Variants in ZKSCAN5 observed in about 807,000 individuals in gnomAD.
The protein encoded by ZKSCAN5 is zinc finger protein with KRAB and SCAN domains 5.
ZKSCAN5 carries 28 observed loss-of-function variants against 60.0 expected under a neutral mutation model. The ratio of observed to expected loss-of-function variants is 0.47; its 90% confidence interval spans 0.35 to 0.64. The LOEUF (loss-of-function observed/expected upper bound fraction) is 0.64. ZKSCAN5 is among the 30% of genes least tolerant of loss of function. The pLI is 0.01. For synonymous variants in ZKSCAN5, 361 were observed against 371.2 expected (o/e 0.97, Z 0.31); for missense variants, 881 against 1,034.6 (o/e 0.85, Z 2.04).
In ZKSCAN5 at chr7:99,524,181, G is replaced by A. The variant is rs573373962; in HGVS notation, c.773-1632G>A. Among the ~76,000 whole-genome samples, 24 of 150,838 alleles carry A rather than the reference G, an allele frequency of 1.6e-4. No individual in the cohort carries two copies. In the East Asian group the frequency reaches 4.3e-3, roughly 27 times the overall value. ...TGCCTCCTGGGTTCAAGCGATTCTCGTGCCTCAGCCTCCTGAGTAGCTGGG... is the reference window on the plus strand; with the variant it reads ...TGCCTCCTGGGTTCAAGCGATTCTCATGCCTCAGCCTCCTGAGTAGCTGGG... On this transcript the variant is annotated intron_variant, in intron 5 of 6. Coordinates refer to ENST00000326775, the MANE Select transcript of ZKSCAN5 (RefSeq NM_145102.4).
rs1276475173 is a variant in ZKSCAN5 at position 99,533,869 on chromosome 7, C to G, written c.*1620C>G. Reference sequence around the variant, plus strand: ...CAGGCTCTGCTTTAGAGAACCTGATCTAAGACATTTGGTGCCACAAGTGGT... The same window carrying G: ...CAGGCTCTGCTTTAGAGAACCTGATGTAAGACATTTGGTGCCACAAGTGGT... On this transcript the variant is annotated 3_prime_UTR_variant, in exon 7 of 7. Transcript: ENST00000326775. 1 of 361,010 alleles carries G rather than the reference C, an allele frequency of 2.8e-6. No individual in the cohort carries two copies. The highest frequency in any genetic ancestry group is 2.1e-5 in the African/African-American group (1 of 47,826). The allele number at this position is 361,010 out of a possible 1,614,324, so 22.4% of individuals were successfully genotyped here.
At chr7:99,506,816 G>A (rs1800754136) in intron 2 of ZKSCAN5, among the ~76,000 whole-genome samples, 1 of 151,836 alleles carries the variant, frequency 6.6e-6, no homozygotes, top group Non-Finnish European at 1.5e-5. Flanking sequence ...CGGAGTAGCT[G>A]GGACTGCAGG....
chr7:99,511,566 C>T (rs895012068), intron 2 of ZKSCAN5, among the ~76,000 whole-genome samples: 1 of 152,012 alleles, frequency 6.6e-6, no homozygotes, highest in Non-Finnish European at 1.5e-5. Flanking sequence ...CCTCAGCCTC[C>T]TAAGTAGCTG....
At chr7:99,529,274 G>A (rs1387900037) in intron 6 of ZKSCAN5, among the ~76,000 whole-genome samples, 1 of 152,116 alleles carries the variant, frequency 6.6e-6, no homozygotes, top group African/African-American at 2.4e-5. Context: ...CCGAGTAGCT[G>A]GGACTACAGG....
Position 99,520,241 on chromosome 7 carries a change from C to A in ZKSCAN5, c.709C>A (p.Gln237Lys), listed in dbSNP as rs200869953. 1 of 1,614,144 alleles carries A rather than the reference C, an allele frequency of 6.2e-7. No homozygotes were observed. Among genetic ancestry groups the A allele is most frequent in the African/African-American group, 1.3e-5 (1 of 75,034 alleles). Residue 237 changes from glutamine (Q) to lysine (K), a missense_variant, in exon 5 of 7, where the codon CAG becomes AAG. By Grantham distance (53) the Gln-to-Lys change is moderately conservative (BLOSUM62 1). Transcript: ENST00000326775. ...FILEEWGHLD[Q>K]SQKSLYRDDR... Reference sequence around the variant, plus strand: ...CCTGGAGGAATGGGGGCATTTGGACCAGTCCCAGAAGTCCCTTTATAGGGA... The same window carrying A: ...CCTGGAGGAATGGGGGCATTTGGACAAGTCCCAGAAGTCCCTTTATAGGGA...
intron 6 of ZKSCAN5, 39 bp from the exon 7 acceptor site, chr7:99,531,066 AAAG>A (rs1802017792): frequency 2.0e-6 from 3 of 1,529,132 alleles, no homozygotes; most frequent in African/African-American, 2.8e-5. Flanking sequence ...CAAAAAAAAA[AAAG>A]AACTGATGAC....
intron 3 of ZKSCAN5, among the ~76,000 whole-genome samples, chr7:99,514,719 C>G (rs1319887876): frequency 6.6e-6 from 1 of 151,662 alleles, no homozygotes; most frequent in Non-Finnish European, 1.5e-5. Flanking sequence ...CCAGCCTGAC[C>G]AACATGGCAA....
Position 99,531,881 on chromosome 7 carries a change from C to T in ZKSCAN5, c.2152C>T (p.Gln718Ter). The change falls in exon 7 of 7, where the codon CAG (glutamine) becomes TAG (stop). Residue 718 changes from glutamine (Q) to a stop codon, truncating the protein, a stop_gained. Transcript: ENST00000326775. LOFTEE classifies it low-confidence loss of function (END_TRUNC). Reference protein sequence around the residue: ...KKIELQEQPYQCDICGKAFGY... With the variant: ...KKIELQEQPY Reference sequence around the variant, plus strand: ...GATTGAGTTACAAGAGCAGCCTTATCAGTGTGATATCTGTGGAAAAGCCTT... The same window carrying T: ...GATTGAGTTACAAGAGCAGCCTTATTAGTGTGATATCTGTGGAAAAGCCTT... 6.2e-7 allele frequency: 1 copy of T among 1,614,124 alleles called. No individual in the cohort carries two copies. Among genetic ancestry groups the T allele is most frequent in the Non-Finnish European group, 8.5e-7 (1 of 1,180,048 alleles).
At chr7:99,519,195 C>G (rs1006668235) in intron 3 of ZKSCAN5, among the ~76,000 whole-genome samples, 1 of 151,272 alleles carries the variant, frequency 6.6e-6, no homozygotes, top group Non-Finnish European at 1.5e-5. Flanking sequence ...GGGCTGGTCT[C>G]GAACTGCTGA....
Position 99,516,385 on chromosome 7 carries a change from T to C in ZKSCAN5, c.554-3442T>C, listed in dbSNP as rs573164520. Among the ~76,000 whole-genome samples the C allele has an allele frequency of 2.0e-5, 3 of 152,312 alleles. No individual in the cohort carries two copies. The East Asian group carries it at 5.8e-4, about 29-fold the overall frequency. On this transcript the variant is annotated intron_variant, in intron 3 of 6. Coordinates refer to ENST00000326775, the MANE Select transcript of ZKSCAN5 (RefSeq NM_145102.4). ...TTCATCAACTTCTGTTTTCAGTCTT[T>C]AGCCACTCCCGGTTTCAGATCCCTT...
chr7:99,527,801 C>T (rs932437107), intron 6 of ZKSCAN5, among the ~76,000 whole-genome samples: 2 of 152,166 alleles, frequency 1.3e-5, no homozygotes, highest in Non-Finnish European at 2.9e-5. Context: ...TCTCGTGCCT[C>T]AGCCTCCTGA....
At position 99,506,107 on chromosome 7, in the gene ZKSCAN5, G is replaced by A. The variant is rs1317873964; in HGVS notation, c.63G>A (p.Glu21=). The A allele has an allele frequency of 6.2e-7, 1 of 1,614,168 alleles. No individual in the cohort carries two copies. ...DLDPPAETSQ[E]QEDLFIVKVE... Reference sequence around the variant, plus strand: ...ACCCCCCAGCTGAGACTTCCCAGGAGCAGGAAGACCTTTTCATAGTGAAGG... The same window carrying A: ...ACCCCCCAGCTGAGACTTCCCAGGAACAGGAAGACCTTTTCATAGTGAAGG... The change falls in exon 2 of 7, where the codon GAG becomes GAA. Residue 21 remains glutamate (E), a synonymous_variant. Transcript: ENST00000326775.
chr7:99,514,009 G>A (rs1250527049), intron 3 of ZKSCAN5, among the ~76,000 whole-genome samples: 1 of 152,158 alleles, frequency 6.6e-6, no homozygotes, highest in Admixed American at 6.5e-5. Flanking sequence ...CGTGGCACTG[G>A]ACTCCAGCCT....
chr7:99,511,909 C>T (rs1801048860), intron 2 of ZKSCAN5, among the ~76,000 whole-genome samples: 1 of 152,166 alleles, frequency 6.6e-6, no homozygotes, highest in Admixed American at 6.6e-5. Context: ...CCTGCCTCAG[C>T]CTCCTGAGTA....
At chr7:99,523,555 G>C (rs1437505387) in intron 5 of ZKSCAN5, among the ~76,000 whole-genome samples, 3 of 152,124 alleles carry the variant, frequency 2.0e-5, no homozygotes, top group Admixed American at 2.0e-4. Context: ...ACAGTAAGCT[G>C]TGATTGTGCT....
Position 99,525,934 on chromosome 7 carries a change from A to C in ZKSCAN5, c.894A>C (p.Glu298Asp). 1.9e-6 allele frequency: 3 copies of C among 1,614,092 alleles called. No homozygotes were observed. Among genetic ancestry groups the C allele is most frequent in the Non-Finnish European group, 2.5e-6 (3 of 1,180,034 alleles). ...RSVPQDPDFA[E>D]VSDLKGMVQR... ...TTCCTCAGGATCCAGACTTTGCAGAAGTCAGTGACCTTAAAGGCATGGTAC... is the reference window on the plus strand; with the variant it reads ...TTCCTCAGGATCCAGACTTTGCAGACGTCAGTGACCTTAAAGGCATGGTAC... Residue 298 changes from glutamate (E) to aspartate (D), a missense_variant, in exon 6 of 7, where the codon GAA (glutamate) becomes GAC (aspartate). By Grantham distance (45) the Glu-to-Asp change is conservative (BLOSUM62 2). Around this residue, in one of 5 missense-constraint regions of ZKSCAN5, gnomAD observed 490 missense variants for 554.5 expected, o/e 0.88. Coordinates refer to ENST00000326775, the MANE Select transcript of ZKSCAN5 (RefSeq NM_145102.4).
rs1163448832 is a variant in ZKSCAN5 at position 99,520,230 on chromosome 7, G to A, written c.698G>A (p.Gly233Glu). 1 of 1,614,168 alleles carries A rather than the reference G, an allele frequency of 6.2e-7. No individual in the cohort carries two copies. The highest frequency in any genetic ancestry group is 8.5e-7 in the Non-Finnish European group (1 of 1,180,030). ...GTATCCTTCATCCTGGAGGAATGGG[G>A]GCATTTGGACCAGTCCCAGAAGTCC... The part of the protein sequence containing the change: ...VAVSFILEEW[G>E]HLDQSQKSLY... The change falls in exon 5 of 7, where the codon GGG becomes GAG. Residue 233 changes from glycine (G) to glutamate (E), a missense_variant. By Grantham distance (98) the Gly-to-Glu change is moderately conservative. This residue lies in a region of ZKSCAN5 where 490 missense variants were observed against 554.5 expected (regional missense o/e 0.88). Coordinates refer to ENST00000326775, the MANE Select transcript of ZKSCAN5 (RefSeq NM_145102.4).
intron 6 of ZKSCAN5, among the ~76,000 whole-genome samples, chr7:99,528,410 A>T (rs937334012): frequency 2.1e-4 from 32 of 151,398 alleles, no homozygotes; most frequent in African/African-American, 7.5e-4. Context: ...TGCCTTCCAC[A>T]TTTTTTTTGT....
At position 99,531,106 on chromosome 7, in the gene ZKSCAN5, A is replaced by T; in HGVS notation, c.1379-2A>T. 1 of 1,566,248 alleles carries T rather than the reference A, an allele frequency of 6.4e-7. No individual in the cohort carries two copies. Among genetic ancestry groups the T allele is most frequent in the South Asian group, 1.2e-5 (1 of 82,770 alleles). ...TTTTCACTTGCTCTTTATTTTTTTT[A>T]GGCAGTGACAAAAGAAGTAAGAACA... On this transcript the variant is annotated splice_acceptor_variant, in intron 6 of 6. Coordinates refer to ENST00000326775, the MANE Select transcript of ZKSCAN5 (RefSeq NM_145102.4). LOFTEE classifies it high-confidence loss of function.
Sources: gnomAD v4.1 joint callset for allele counts (sites outside exome capture counted in the v4.1 genomes callset) on GRCh38, gnomAD v4.1.1 for gene constraint, gnomAD v4.1.1 regional missense constraint, MANE v1.5 for transcripts, NCBI Gene and HGNC (gene_info 2026-07-23, HGNC 2026-07-21) for gene names.